The following IL34 variants were observed in gnomAD, a reference collection of about 807,000 sequenced individuals.
IL34 encodes the protein interleukin-34.
Under a neutral mutation model 25.3 loss-of-function variants are expected in IL34, and 17 were observed. That is an observed-to-expected ratio of 0.67 (90% confidence interval 0.46 to 1.01). IL34 has a LOEUF of 1.01. IL34 is among the 50% of genes least tolerant of loss of function. IL34 has a pLI of 0.00. For synonymous variants in IL34, 174 were observed against 140.9 expected, an observed-to-expected ratio of 1.23 and a Z score of -1.66; for missense variants, 368 against 312.9, an observed-to-expected ratio of 1.18 and a Z score of -1.33.
In IL34 at chr16:70,646,704, G is replaced by A; in HGVS notation, c.-244G>A. ...AGCCACCGGCTCAGACCTGCTTCTG[G>A]GCTGCCATGGGACTTGCGGCCACCG... On this transcript the variant is annotated 5_prime_UTR_variant, in exon 1 of 6. Coordinates refer to ENST00000288098, the MANE Select transcript of IL34 (RefSeq NM_001393494.1). The A allele has an allele frequency of 2.1e-6, 1 of 473,106 alleles. No homozygotes were observed. The highest frequency in any genetic ancestry group is 3.7e-6 in the Non-Finnish European group (1 of 271,658). 29.3% of individuals were successfully genotyped at this position (473,106 alleles called of 1,614,324 possible).
At chr16:70,603,309 C>G (rs759046236) in intron 1 of IL34, among the ~76,000 whole-genome samples, 6 of 151,974 alleles carry the variant, frequency 3.9e-5, no homozygotes, top group African/African-American at 7.3e-5. Flanking sequence ...AATGGAGTTT[C>G]GCTCTTGTTG....
chr16:70,642,277 T>A (rs1443474025), upstream of IL34, among the ~76,000 whole-genome samples: 2 of 148,682 alleles, frequency 1.3e-5, no homozygotes, highest in African/African-American at 5.0e-5. Context: ...ACAGAGAGAG[T>A]GAGCGTACTC....
chr16:70,653,079 G>T (rs1470250322), intron 1 of IL34, among the ~76,000 whole-genome samples: 1 of 152,128 alleles, frequency 6.6e-6, no homozygotes, highest in Non-Finnish European at 1.5e-5. Context: ...AGTAGCCCCT[G>T]CTTGTAATCC....
intron 1 of IL34, among the ~76,000 whole-genome samples, chr16:70,636,771 C>CAAAGA (rs148101023): frequency 6.6e-6 from 1 of 150,860 alleles, no homozygotes; most frequent in Non-Finnish European, 1.5e-5. Flanking sequence ...CTGTCTCAAA[C>CAAAGA]AAACAAAACA....
chr16:70,653,994 G>A (rs553492577), intron 1 of IL34: 4 of 152,374 alleles, frequency 2.6e-5, no homozygotes, highest in African/African-American at 9.7e-5. Context: ...AGAATGACCA[G>A]ACTGGAAGGC....
At chr16:70,617,507 T>A (rs1015926518) in intron 1 of IL34, among the ~76,000 whole-genome samples, 4 of 152,156 alleles carry the variant, frequency 2.6e-5, no homozygotes, top group Admixed American at 2.6e-4. Flanking sequence ...CAGTCTAAGT[T>A]GGTCTGGTGT....
intron 1 of IL34, among the ~76,000 whole-genome samples, chr16:70,609,691 T>G (rs895940116): frequency 1.3e-5 from 2 of 152,136 alleles, no homozygotes; most frequent in Admixed American, 6.6e-5. Flanking sequence ...ATGGCTGCTC[T>G]GAGGGGTAGG....
At chr16:70,647,031 G>T in intron 1 of IL34, 56 bp downstream of exon 1, 1 of 1,393,650 alleles carries the variant, frequency 7.2e-7, no homozygotes, top group South Asian at 1.6e-5. Flanking sequence ...CCTAGATCCA[G>T]GATCTGCCGT....
In IL34 at chr16:70,660,456, T is replaced by C. The variant is rs2151890497; in HGVS notation, c.*269T>C. The C allele has an allele frequency of 2.6e-6, 1 of 391,332 alleles. No homozygotes were observed. Among genetic ancestry groups the C allele is most frequent in the East Asian group, 4.1e-5 (1 of 24,284 alleles). The allele number at this position is 391,332 out of a possible 1,614,324, so 24.2% of individuals were successfully genotyped here. A position where few individuals can be genotyped will look rare whatever the true frequency, so the allele number is the denominator to read the frequency against. ...CTCCTGGCTTCTCCTGGTGCTGCCC[T>C]CACTGTCCCCCCGCCTAAAGGGGGT... On this transcript the variant is annotated 3_prime_UTR_variant, in exon 6 of 6. Transcript: ENST00000288098.
rs146560271 is a variant in IL34, at chr16:70,602,584, TGTG to T, written c.-401+22536_-401+22538del. ...TGAGAATTCCTAGCTTTGGAATTGA[TGTG>T]TGTGTGTGTGTGTGTGTGTGTGTGT... On this transcript the variant is annotated intron_variant, in intron 1 of 6. Transcript: ENST00000429149. Among the ~76,000 whole-genome samples, 376 of 27,400 alleles carry T rather than the reference TGTG, an allele frequency of 0.014. 2 individuals carry two copies. The Middle Eastern group carries it at 0.21, about 15-fold the overall frequency. The allele number at this position is 27,400 out of a possible 152,430, so 18.0% of individuals were successfully genotyped here.
intron 1 of IL34, among the ~76,000 whole-genome samples, chr16:70,610,022 G>A (rs1306536156): frequency 1.3e-5 from 2 of 152,114 alleles, no homozygotes; most frequent in South Asian, 2.1e-4. Flanking sequence ...TGGCCAACAC[G>A]GCGAAACCGT....
intron 1 of IL34, among the ~76,000 whole-genome samples, chr16:70,619,277 C>T (rs564330834): frequency 2.7e-4 from 41 of 151,822 alleles, no homozygotes; most frequent in Non-Finnish European, 5.3e-4. Flanking sequence ...CATGATCGGT[C>T]GCCAAGGAGG....
In IL34 at chr16:70,599,265, G is replaced by GTTTCTTTCTTTCTTTCTTTCTTTCTTTC. The variant is rs748787068; in HGVS notation, c.-401+19219_-401+19246dup. On this transcript the variant is annotated intron_variant, in intron 1 of 6. Coordinates refer to the IL34 transcript ENST00000429149. ...TCTTATACCTGTTATGTCAAGAACT[G>GTTTCTTTCTTTCTTTCTTTCTTTCTTTC]TTTCTTTCTTTCTTTCTTTCTTTCT... Among the ~76,000 whole-genome samples the GTTTCTTTCTTTCTTTCTTTCTTTCTTTC allele has an allele frequency of 7.7e-4, 107 of 139,140 alleles. 1 individual carries two copies. Among genetic ancestry groups the GTTTCTTTCTTTCTTTCTTTCTTTCTTTC allele is most frequent in the South Asian group, 1.8e-3 (7 of 3,888 alleles). The allele number at this position is 139,140 out of a possible 152,430, so 91.3% of individuals were successfully genotyped here. A position where few individuals can be genotyped will look rare whatever the true frequency, so the allele number is the denominator to read the frequency against.
intron 1 of IL34, among the ~76,000 whole-genome samples, chr16:70,581,394 A>G: frequency 6.6e-6 from 1 of 151,706 alleles, no homozygotes; most frequent in South Asian, 2.1e-4. Context: ...AACTCTGTGG[A>G]AATAACTTTT....
chr16:70,607,355 C>T (rs530261308), intron 1 of IL34, among the ~76,000 whole-genome samples: 38 of 152,280 alleles, frequency 2.5e-4, no homozygotes, highest in East Asian at 3.9e-4. Context: ...CCGCCCTCCT[C>T]GGCTTCCCAA....
intron 1 of IL34, among the ~76,000 whole-genome samples, chr16:70,611,719 C>G (rs2051093844): frequency 1.3e-5 from 2 of 152,268 alleles, no homozygotes; most frequent in South Asian, 4.1e-4. Flanking sequence ...TGGCAGGCAC[C>G]TGTAATCCCA....
intron 1 of IL34, among the ~76,000 whole-genome samples, chr16:70,648,670 T>TGAGGGA (rs377621273): frequency 1.4e-5 from 2 of 142,840 alleles, no homozygotes; most frequent in African/African-American, 5.3e-5. Flanking sequence ...GGCTGGGGGA[T>TGAGGGA]GAGGGAGAGG....
intron 1 of IL34, among the ~76,000 whole-genome samples, chr16:70,624,591 A>G (rs1248841408): frequency 6.6e-6 from 1 of 152,166 alleles, no homozygotes; most frequent in East Asian, 1.9e-4. Context: ...GGATTTTTAT[A>G]TTTGATGAAA....
At chr16:70,598,945 A>G (rs1347703963) in intron 1 of IL34, among the ~76,000 whole-genome samples, 1 of 152,188 alleles carries the variant, frequency 6.6e-6, no homozygotes, top group Non-Finnish European at 1.5e-5. Flanking sequence ...AGTTACATTA[A>G]AGTAGAATCA....
Sources: allele counts gnomAD v4.1 joint callset (sites outside exome capture counted in the v4.1 genomes callset), GRCh38; gene constraint gnomAD v4.1.1; transcripts MANE v1.5; gene names NCBI Gene and HGNC (gene_info 2026-07-23, HGNC 2026-07-21).